The following ADGRG2 variants were observed in gnomAD, a reference collection of about 807,000 sequenced individuals.
ADGRG2 encodes the protein adhesion G protein-coupled receptor G2, also known as G protein-coupled receptor 64.
In ADGRG2, 26 loss-of-function variants were observed where a neutral mutation model predicts 74.1. That is an observed-to-expected ratio of 0.35 (90% CI 0.26 to 0.49). The LOEUF is 0.49. Ranked by LOEUF, ADGRG2 falls within the 20% of genes least tolerant of loss-of-function variation. The pLI is 0.99. For synonymous variants in ADGRG2, 296 were observed against 295.2 expected, an observed-to-expected ratio of 1.00 and a Z score of -0.03; for missense variants, 619 against 763.1, an observed-to-expected ratio of 0.81 and a Z score of 2.22.
At chrX:19,054,972 G>A (rs1420974236) in intron 3 of ADGRG2, among the ~76,000 whole-genome samples, 1 of 111,497 alleles carries the variant, frequency 9.0e-6, no homozygotes, top group Non-Finnish European at 1.9e-5. Context: ...TTATGATGAA[G>A]CGCCCAGCTT....
chrX:19,046,972 T>A (rs980267355), intron 3 of ADGRG2, among the ~76,000 whole-genome samples: 1 of 111,861 alleles, frequency 8.9e-6, no homozygotes, highest in African/African-American at 3.2e-5. Flanking sequence ...AGGGGTCAGG[T>A]CCCTGTGATA....
At chrX:19,095,366 G>T (rs940606561) in intron 1 of ADGRG2, among the ~76,000 whole-genome samples, 1 of 111,360 alleles carries the variant, frequency 9.0e-6, no homozygotes, top group African/African-American at 3.3e-5. Context: ...GGGCCTGCCT[G>T]TTATGAGGTC....
intron 16 of ADGRG2, among the ~76,000 whole-genome samples, chrX:19,011,379 A>T (rs192322727): frequency 1.8e-5 from 2 of 112,278 alleles, no homozygotes; most frequent in Admixed American, 1.9e-4. Flanking sequence ...TATCCATAAA[A>T]TTGGATACAT....
intron 3 of ADGRG2, among the ~76,000 whole-genome samples, chrX:19,042,915 C>T (rs1045948962): frequency 5.4e-5 from 6 of 110,247 alleles, no homozygotes; most frequent in Middle Eastern, 9.3e-3. Flanking sequence ...TGCTTGAACC[C>T]AGGAGGCGGA....
At chrX:19,061,250 A>ACTTTT (rs986303746) in intron 3 of ADGRG2, among the ~76,000 whole-genome samples, 1 of 111,734 alleles carries the variant, frequency 8.9e-6, no homozygotes, top group African/African-American at 3.3e-5. Context: ...GGGGGGGCCC[A>ACTTTT]CTTTTTGGAA....
intron 1 of ADGRG2, among the ~76,000 whole-genome samples, chrX:19,099,402 G>A (rs1030973626): frequency 4.5e-5 from 5 of 111,991 alleles, no homozygotes; most frequent in African/African-American, 1.6e-4. Context: ...GTAAAATGGG[G>A]CACTATTGAT....
chrX:19,081,405 A>T (rs112590188), intron 2 of ADGRG2, among the ~76,000 whole-genome samples: 1 of 111,786 alleles, frequency 8.9e-6, no homozygotes, highest in Non-Finnish European at 1.9e-5. Context: ...GGGCAAAAGC[A>T]CATGGTTGGC....
chrX:18,999,773 A>C (rs2060088567), intron 25 of ADGRG2, 88 bp downstream of exon 25: 1 of 579,436 alleles, frequency 1.7e-6, no homozygotes, highest in Admixed American at 2.4e-5. Flanking sequence ...TGATAGCAGG[A>C]GTCAATATGC....
chrX:19,076,557 T>C (rs972639017), intron 2 of ADGRG2, among the ~76,000 whole-genome samples: 1 of 111,878 alleles, frequency 8.9e-6, no homozygotes, highest in Non-Finnish European at 1.9e-5. Flanking sequence ...TCACTTGAGG[T>C]CAGGAGTTCA....
intron 16 of ADGRG2, among the ~76,000 whole-genome samples, chrX:19,012,879 AT>A (rs751760925): frequency 9.0e-6 from 1 of 110,747 alleles, no homozygotes; most frequent in African/African-American, 3.3e-5. Flanking sequence ...GTGTATCCAG[AT>A]TTCTCTCAGC....
At chrX:19,028,137 G>A (rs751180182) in intron 10 of ADGRG2, 46 bp downstream of exon 10, 1 of 660,838 alleles carries the variant, frequency 1.5e-6, no homozygotes, top group African/African-American at 2.2e-5. Flanking sequence ...AAATATAAAT[G>A]AATTTGCCTT....
intron 3 of ADGRG2, among the ~76,000 whole-genome samples, chrX:19,049,438 G>GGTTTTTTTTTTTTTTTTTTTTTTTTTTTT (rs1555901661): frequency 1.2e-5 from 1 of 82,214 alleles, no homozygotes; most frequent in African/African-American, 5.7e-5. Context: ...CGTTTTTTGT[G>GGTTTTTTTTTTTTTTTTTTTTTTTTTTTT]TTTTTTTTTT....
intron 1 of ADGRG2, among the ~76,000 whole-genome samples, chrX:19,109,922 A>G (rs929121052): frequency 9.0e-6 from 1 of 111,429 alleles, no homozygotes; most frequent in African/African-American, 3.3e-5. Context: ...CCTAATAATC[A>G]GGATCCTAAC....
chrX:19,023,362 TTATTTC>T, intron 13 of ADGRG2, 48 bp downstream of exon 13: 1 of 766,008 alleles, frequency 1.3e-6, no homozygotes, highest in Non-Finnish European at 1.9e-6. Context: ...CCTTAATACT[TTATTTC>T]TCATAAATGG....
intron 1 of ADGRG2, among the ~76,000 whole-genome samples, chrX:19,096,409 CT>C (rs2062097434): frequency 1.4e-5 from 1 of 72,502 alleles, no homozygotes; most frequent in South Asian, 6.0e-4. Context: ...GAGACTCTAT[CT>C]AAAAAAAAAA....
chrX:18,997,839 C>T (rs1282529981), intron 26 of ADGRG2, among the ~76,000 whole-genome samples: 4 of 111,781 alleles, frequency 3.6e-5, no homozygotes, highest in Non-Finnish European at 7.5e-5. Context: ...GAACAAAAGC[C>T]AATGAGAAGG....
intron 1 of ADGRG2, among the ~76,000 whole-genome samples, chrX:19,100,264 T>C (rs1429124765): frequency 1.8e-5 from 2 of 112,978 alleles, no homozygotes; most frequent in Non-Finnish European, 3.7e-5. Context: ...AAAATCTGCA[T>C]TTCCTCTGCA....
rs369398713 is a variant in ADGRG2 at position 19,073,828 on chromosome X, A to T, written c.-1-4993T>A. 8.9e-5 allele frequency among the ~76,000 whole-genome samples: 10 copies of T among 111,899 alleles called. No homozygotes were observed. The East Asian group carries it at 2.0e-3, about 22-fold the overall frequency. ...ATCAATATTTCTGACCTGAGTTATA[A>T]GAGGTATGATAATTGTTCCCTAAGT... is the stretch of plus-strand genomic sequence containing the variant. On this transcript the variant is annotated intron_variant, in intron 2 of 28. Coordinates refer to ENST00000379869, the MANE Select transcript of ADGRG2 (RefSeq NM_001079858.3).
At chrX:19,037,322 G>A (rs1489023111) in intron 6 of ADGRG2, 145 bp downstream of exon 6, 8 of 452,224 alleles carry the variant, frequency 1.8e-5, no homozygotes, top group Non-Finnish European at 3.0e-5. Flanking sequence ...TCACTCTCCA[G>A]GGTTGGCAAG....
Sources: gnomAD v4.1 joint callset for allele counts (sites outside exome capture counted in the v4.1 genomes callset) on GRCh38, gnomAD v4.1.1 for gene constraint, MANE v1.5 for transcripts, NCBI Gene and HGNC (gene_info 2026-07-23, HGNC 2026-07-21) for gene names.